Variants in NOP2 observed in about 807,000 individuals in gnomAD.
NOP2 encodes the protein 28S rRNA (cytosine(4447)-C(5))-methyltransferase.
A neutral mutation model predicts 72.7 loss-of-function variants in NOP2; 7 were observed. That is an observed-to-expected ratio of 0.10 (90% CI 0.05 to 0.18). The LOEUF (loss-of-function observed/expected upper bound fraction) is 0.18, where lower values mean the gene tolerates loss of function less well. Ranked by LOEUF, NOP2 falls within the 10% of genes least tolerant of loss-of-function variation. NOP2 has a pLI of 1.00. For missense variants in NOP2, 954 were observed against 1,014.7 expected, an observed-to-expected ratio of 0.94 and a Z score of 0.81; for synonymous variants, 387 against 388.0, an observed-to-expected ratio of 1.00 and a Z score of 0.03.
intron 15 of NOP2, among the ~76,000 whole-genome samples, chr12:6,559,881 G>A (rs746522882): frequency 6.6e-6 from 1 of 152,214 alleles, no homozygotes; most frequent in Non-Finnish European, 1.5e-5. Context: ...TAAAGGAACA[G>A]GCCTCCATCC....
intron 9 of NOP2, among the ~76,000 whole-genome samples, chr12:6,562,615 A>G (rs1293778794): frequency 2.6e-5 from 4 of 152,200 alleles, no homozygotes; most frequent in African/African-American, 4.8e-5. Flanking sequence ...ATTTAATGAC[A>G]TTGGTTATAC....
chr12:6,562,935 G>A, intron 9 of NOP2, 146 bp downstream of exon 9: 1 of 759,188 alleles, frequency 1.3e-6, no homozygotes. Context: ...TATCCTGCCA[G>A]AGACATCAGG....
chr12:6,561,121 A>G, intron 11 of NOP2, 51 bp from the exon 12 acceptor site: 19 of 1,599,026 alleles, frequency 1.2e-5, no homozygotes, highest in Non-Finnish European at 1.5e-5. Context: ...CTGTCTCCAC[A>G]CTTGCTCCCA....
At chr12:6,563,271 G>C in intron 8 of NOP2, 44 bp downstream of exon 8, 1 of 1,553,174 alleles carries the variant, frequency 6.4e-7, no homozygotes, top group Non-Finnish European at 8.7e-7. Context: ...AGCGTAAGGA[G>C]GCGAGAAAAG....
intron 8 of NOP2, 48 bp downstream of exon 8, chr12:6,563,267 A>G (rs1216880418): frequency 6.4e-7 from 1 of 1,554,814 alleles, no homozygotes; most frequent in African/African-American, 1.4e-5. Context: ...ACACAGCGTA[A>G]GGAGGCGAGA....
At chr12:6,557,670 C>A in intron 15 of NOP2, 28 bp from the exon 16 acceptor site, 1 of 1,573,186 alleles carries the variant, frequency 6.4e-7, no homozygotes, top group East Asian at 2.3e-5. Flanking sequence ...CAGATGGTGT[C>A]AGAAAATGGG....
Position 6,556,980 on chromosome 12 carries a change from A to G in NOP2, c.*13T>C, listed in dbSNP as rs757070915. 1 of 1,613,478 alleles carries G rather than the reference A, an allele frequency of 6.2e-7. No homozygotes were observed. Among genetic ancestry groups the G allele is most frequent in the Non-Finnish European group, 8.5e-7 (1 of 1,179,738 alleles). ...GACAATGGCAGTGAGCCACCCGTCTAGTTTTCAACCATCTAAGATAGCAGC... is the reference window on the plus strand; with the variant it reads ...GACAATGGCAGTGAGCCACCCGTCTGGTTTTCAACCATCTAAGATAGCAGC... On this transcript the variant is annotated 3_prime_UTR_variant, in exon 16 of 16. Coordinates refer to ENST00000322166, the MANE Select transcript of NOP2 (RefSeq NM_001258308.2).
chr12:6,558,557 G>A (rs1046367083), intron 15 of NOP2, among the ~76,000 whole-genome samples: 4 of 151,670 alleles, frequency 2.6e-5, no homozygotes, highest in East Asian at 1.9e-4. Context: ...GAGCCACCAC[G>A]CCCGGCCTCG....
At chr12:6,562,280 C>T (rs1269416527) in intron 9 of NOP2, among the ~76,000 whole-genome samples, 5 of 152,090 alleles carry the variant, frequency 3.3e-5, no homozygotes, top group South Asian at 4.1e-4. Flanking sequence ...GTTGAGTCAC[C>T]GCGCCCGGTA....
chr12:6,557,094 G>A lies in NOP2; in HGVS notation c.2338C>T (p.Pro780Ser). ...FQKQNDTPKG[P>S]QPPTVSPIRS... Reference sequence around the variant, plus strand: ...ATGGGAGACACAGTGGGAGGCTGAGGCCCCTTGGGGGTATCATTCTGTTTC... The same window carrying A: ...ATGGGAGACACAGTGGGAGGCTGAGACCCCTTGGGGGTATCATTCTGTTTC... The change falls in exon 16 of 16, where the codon CCT (proline) becomes TCT (serine). Residue 780 changes from proline to serine, a missense_variant. Transcript: ENST00000322166. 2 of 1,613,962 alleles carry A rather than the reference G, an allele frequency of 1.2e-6. No individual in the cohort carries two copies. Among genetic ancestry groups the A allele is most frequent in the East Asian group, 2.2e-5 (1 of 44,868 alleles).
In NOP2 at chr12:6,557,550, C is replaced by T. The variant is rs202124597; in HGVS notation, c.1882G>A (p.Gly628Arg). 51 of 1,613,904 alleles carry T rather than the reference C, an allele frequency of 3.2e-5. No individual in the cohort carries two copies. Among genetic ancestry groups the T allele is most frequent in the Non-Finnish European group, 4.1e-5 (48 of 1,179,878 alleles). The change falls in exon 16 of 16, where the codon GGG becomes AGG. Residue 628 changes from glycine to arginine, a missense_variant. Gly to Arg is a moderately radical substitution (Grantham distance 125). Coordinates refer to ENST00000322166, the MANE Select transcript of NOP2 (RefSeq NM_001258308.2). Reference protein sequence around the residue: ...NSSQPAKKAKGAAKTKQQLQK... With the variant: ...NSSQPAKKAKRAAKTKQQLQK... ...AGCTGCTGCTTTGTCTTTGCAGCCC[C>T]CTTGGCTTTCTTGGCTGGCTGGCTG... is the stretch of plus-strand genomic sequence containing the variant.
chr12:6,559,085 G>A (rs1032533913), intron 15 of NOP2, among the ~76,000 whole-genome samples: 19 of 151,844 alleles, frequency 1.3e-4, no homozygotes, highest in Non-Finnish European at 2.2e-4. Flanking sequence ...AGCCTCCTGA[G>A]TAGTTGGGAC....
In NOP2 at chr12:6,563,914, C is replaced by A. The variant is rs201707356; in HGVS notation, c.507G>T (p.Gln169His). ...LLPIERAARKQKAREAAAGIQ... is the reference protein window; with the variant it reads ...LLPIERAARKHKAREAAAGIQ... ...ACCCAGCAGCAGCTTCCCGGGCCTTCTGCTTCCGAGCAGCTCTTTCAATGG... is the reference window on the plus strand; with the variant it reads ...ACCCAGCAGCAGCTTCCCGGGCCTTATGCTTCCGAGCAGCTCTTTCAATGG... Residue 169 changes from glutamine to histidine, a missense_variant, in exon 6 of 16, where the codon CAG (glutamine) becomes CAT (histidine). Coordinates refer to ENST00000322166, the MANE Select transcript of NOP2 (RefSeq NM_001258308.2). The A allele has an allele frequency of 1.2e-3, 1,952 of 1,613,690 alleles. 4 individuals carry two copies. The highest frequency in any genetic ancestry group is 1.5e-3 in the Non-Finnish European group (1,799 of 1,179,806).
chr12:6,557,445 T>C lies in NOP2; in HGVS notation c.1987A>G (p.Thr663Ala). The C allele has an allele frequency of 1.2e-6, 2 of 1,614,038 alleles. No individual in the cohort carries two copies. The highest frequency in any genetic ancestry group is 1.7e-6 in the Non-Finnish European group (2 of 1,179,892). The stretch of plus-strand genomic sequence containing the variant: ...TGGGTCTTTGTGACAGAAGGTACAG[T>C]GGACAATTCTGAGTCTGCCCCTTTG... The part of the protein sequence containing the change: ...ISKGADSELS[T>A]VPSVTKTQAS... Residue 663 changes from threonine to alanine, a missense_variant, in exon 16 of 16, where the codon ACT (threonine) becomes GCT (alanine). Thr to Ala is a moderately conservative substitution (Grantham distance 58). Coordinates refer to ENST00000322166, the MANE Select transcript of NOP2 (RefSeq NM_001258308.2).
Position 6,557,226 on chromosome 12 carries a change from T to A in NOP2, c.2206A>T (p.Thr736Ser), listed in dbSNP as rs577293518. ...QTPAVLSPSK[T>S]QATLKPKDHH... ...TCCTTAGGTTTCAGGGTGGCCTGAG[T>A]CTTGGATGGGGATAACACAGCCGGT... The change falls in exon 16 of 16, where the codon ACT (threonine) becomes TCT (serine). Residue 736 changes from threonine to serine, a missense_variant. This residue lies in a region of NOP2 where 269 missense variants were observed against 260.2 expected (regional missense o/e 1.03). Transcript: ENST00000322166. 50 of 1,613,772 alleles carry A rather than the reference T, an allele frequency of 3.1e-5. No individual in the cohort carries two copies. In the East Asian group the frequency reaches 1.0e-3, roughly 34 times the overall value.
At chr12:6,557,797 TTAATA>T (rs1947533813) in intron 15 of NOP2, among the ~76,000 whole-genome samples, 155 bp from the exon 16 acceptor site, 2 of 152,298 alleles carry the variant, frequency 1.3e-5, no homozygotes, top group South Asian at 4.1e-4. Context: ...TTCCCATTAC[TTAATA>T]TAACTTGGCC....
In NOP2 at chr12:6,566,137, A is replaced by G; in HGVS notation, c.438T>C (p.Ala146=). 6.2e-7 allele frequency: 1 copy of G among 1,613,904 alleles called. No homozygotes were observed. The highest frequency in any genetic ancestry group is 8.5e-7 in the Non-Finnish European group (1 of 1,179,828). The part of the protein sequence containing the change: ...DDADTVDDYG[A]DSNSEDEEEG... ...CCTCCTCATCCTCAGAGTTGGAGTC[A>G]GCTCCATAGTCATCTACCGTATCAG... Residue 146 remains alanine (A), a synonymous_variant, in exon 5 of 16, where the codon GCT becomes GCC. Transcript: ENST00000322166.
At chr12:6,559,340 C>T (rs1592238230) in intron 15 of NOP2, among the ~76,000 whole-genome samples, 4 of 152,124 alleles carry the variant, frequency 2.6e-5, no homozygotes, top group Admixed American at 2.0e-4. Flanking sequence ...AGGATGGTCT[C>T]GATCTCCTGA....
rs1298382843 is a variant in NOP2, at chr12:6,560,929, A to G, written c.1347+2T>C. ...TCAGAAGACACACAGCTCGAGTCTC[A>G]CCTTGGGGAACTGGCGCCCATCATA... On this transcript the variant is annotated splice_donor_variant, in intron 12 of 15. Transcript: ENST00000322166. LOFTEE classifies it high-confidence loss of function. This position sits in a 1 kb window ranked among gnomAD's most constrained non-coding sequence, Gnocchi z 5.0. 1.2e-6 allele frequency: 2 copies of G among 1,613,804 alleles called. No homozygotes were observed. The highest frequency in any genetic ancestry group is 1.7e-6 in the Non-Finnish European group (2 of 1,179,802).
Sources: allele counts gnomAD v4.1 joint callset (sites outside exome capture counted in the v4.1 genomes callset), GRCh38; gene constraint gnomAD v4.1.1; regional missense constraint gnomAD v4.1.1; non-coding constraint Gnocchi (gnomAD v3.1); transcripts MANE v1.5; gene names NCBI Gene and HGNC (gene_info 2026-07-23, HGNC 2026-07-21).